ATP13A4: variants seen among roughly 807,000 people sequenced by gnomAD.
ATP13A4 encodes probable cation-transporting ATPase 13A4.
ATP13A4 carries 114 observed loss-of-function variants against 142.5 expected under a neutral mutation model. That is an observed-to-expected ratio of 0.80 (90% CI 0.69 to 0.93). ATP13A4 has a LOEUF of 0.93. Ranked by LOEUF, ATP13A4 falls within the 40% of genes least tolerant of loss-of-function variation. The pLI, the probability that ATP13A4 is intolerant of heterozygous loss-of-function variation, is 0.00. For synonymous variants in ATP13A4, 488 were observed against 514.8 expected (o/e 0.95, Z 0.70); for missense variants, 1,392 against 1,454.0 (o/e 0.96, Z 0.69).
intron 2 of ATP13A4, among the ~76,000 whole-genome samples, chr3:193,569,293 C>A (rs1206911585): frequency 6.6e-6 from 1 of 152,160 alleles, no homozygotes; most frequent in Non-Finnish European, 1.5e-5. Flanking sequence ...AAATACCAGT[C>A]TAGTAGTCCT....
At chr3:193,541,776 T>C (rs1722945070) in intron 1 of ATP13A4, among the ~76,000 whole-genome samples, 1 of 152,162 alleles carries the variant, frequency 6.6e-6, no homozygotes, top group South Asian at 2.1e-4. Flanking sequence ...AGTATTCCAA[T>C]GGCCACACAA....
At chr3:193,491,220 A>G in intron 6 of ATP13A4, 109 bp downstream of exon 6, 1 of 858,482 alleles carries the variant, frequency 1.2e-6, no homozygotes, top group African/African-American at 1.7e-5. Context: ...CTTTCAAAAT[A>G]TACTCTATGT....
intron 2 of ATP13A4, among the ~76,000 whole-genome samples, chr3:193,573,300 T>C (rs1406555390): frequency 1.2e-5 from 1 of 84,448 alleles, no homozygotes; most frequent in African/African-American, 5.3e-5. Flanking sequence ...CACATATATA[T>C]ATATATACAT....
intron 1 of ATP13A4, among the ~76,000 whole-genome samples, chr3:193,582,570 T>A (rs1207059827): frequency 2.2e-5 from 3 of 134,332 alleles, no homozygotes; most frequent in African/African-American, 8.5e-5. Context: ...ATATAATACA[T>A]ATAATATATA....
chr3:193,495,640 ATTGAAAGTT>A (rs1720181370), intron 3 of ATP13A4, among the ~76,000 whole-genome samples: 1 of 152,184 alleles, frequency 6.6e-6, no homozygotes, highest in Non-Finnish European at 1.5e-5. Flanking sequence ...ATTGGAAAAT[ATTGAAAGTT>A]TTTCCTCTAA....
At chr3:193,570,392 T>A (rs1187994748) in intron 2 of ATP13A4, among the ~76,000 whole-genome samples, 2 of 152,248 alleles carry the variant, frequency 1.3e-5, no homozygotes, top group Non-Finnish European at 2.9e-5. Context: ...CTTAACATGA[T>A]TTATAGGTTA....
chr3:193,486,293 T>G (rs2108660650), intron 7 of ATP13A4, among the ~76,000 whole-genome samples: 1 of 152,222 alleles, frequency 6.6e-6, no homozygotes, highest in Non-Finnish European at 1.5e-5. Flanking sequence ...AATGGGAATA[T>G]TTTGAAGCAT....
intron 10 of ATP13A4, 42 bp downstream of exon 10, chr3:193,467,274 A>G: frequency 2.5e-6 from 4 of 1,609,138 alleles, no homozygotes; most frequent in Non-Finnish European, 3.4e-6. Flanking sequence ...AAACTGGGCA[A>G]AAGTATACCA....
At chr3:193,482,794 C>T (rs1168029083) in intron 8 of ATP13A4, among the ~76,000 whole-genome samples, 1 of 152,208 alleles carries the variant, frequency 6.6e-6, no homozygotes, top group Non-Finnish European at 1.5e-5. Context: ...TCATACACTG[C>T]TAGTGTAAAA....
At chr3:193,489,251 T>C (rs1480208806) in intron 7 of ATP13A4, among the ~76,000 whole-genome samples, 4 of 152,220 alleles carry the variant, frequency 2.6e-5, no homozygotes, top group African/African-American at 7.2e-5. Flanking sequence ...ATCTGTTCTA[T>C]GTAATTTTTT....
chr3:193,503,183 C>A (rs1720654805), intron 2 of ATP13A4, among the ~76,000 whole-genome samples: 1 of 152,174 alleles, frequency 6.6e-6, no homozygotes, highest in Non-Finnish European at 1.5e-5. Flanking sequence ...TCATGTGGAG[C>A]ACTGAGACCT....
chr3:193,582,743 TAA>T (rs1401398735), intron 1 of ATP13A4, among the ~76,000 whole-genome samples: 1 of 59,874 alleles, frequency 1.7e-5, no homozygotes, highest in Admixed American at 2.1e-4. Context: ...TATATATGTA[TAA>T]TACATATATA....
chr3:193,570,796 C>T (rs1382678897), intron 2 of ATP13A4, among the ~76,000 whole-genome samples: 1 of 152,170 alleles, frequency 6.6e-6, no homozygotes, highest in Non-Finnish European at 1.5e-5. Context: ...TCTCTACAAG[C>T]TTCAGGCTCA....
chr3:193,448,767 G>T (rs531223427), intron 17 of ATP13A4, among the ~76,000 whole-genome samples: 1 of 152,350 alleles, frequency 6.6e-6, no homozygotes, highest in Middle Eastern at 3.4e-3. Flanking sequence ...AACAGAAGCG[G>T]ACACAAAGGC....
intron 7 of ATP13A4, among the ~76,000 whole-genome samples, chr3:193,488,361 T>C (rs757562466): frequency 6.6e-6 from 1 of 152,172 alleles, no homozygotes; most frequent in African/African-American, 2.4e-5. Context: ...TTAATATAAC[T>C]AAAAGTATAC....
Position 193,417,351 on chromosome 3 carries a change from G to T in ATP13A4, c.2843-2601C>A, listed in dbSNP as rs537512901. On this transcript the variant is annotated intron_variant, in intron 25 of 29. Transcript: ENST00000342695. Reference sequence around the variant, plus strand: ...TAAATGCTGATATTTGTGTATTTTTGGTTTGCAATTTCACTTTATATATCC... The same window carrying T: ...TAAATGCTGATATTTGTGTATTTTTTGTTTGCAATTTCACTTTATATATCC... Among the ~76,000 whole-genome samples the T allele has an allele frequency of 2.0e-5, 3 of 152,222 alleles. No individual in the cohort carries two copies. In the East Asian group the frequency reaches 5.8e-4, roughly 29 times the overall value.
rs115769404 is a variant in ATP13A4, at chr3:193,502,933, A to C, written c.235-294T>G. On this transcript the variant is annotated intron_variant, in intron 2 of 29. Coordinates refer to ENST00000342695, the MANE Select transcript of ATP13A4 (RefSeq NM_032279.4). ...TAGTTCACTGCATCACCTTTCAACC[A>C]CCTTTCAGCCCATGACCTGATGACC... 5.4e-3 allele frequency among the ~76,000 whole-genome samples: 819 copies of C among 151,494 alleles called. 7 individuals are homozygous for C. The highest frequency in any genetic ancestry group is 0.019 in the African/African-American group (787 of 41,192).
chr3:193,414,447 A>G, intron 26 of ATP13A4, 132 bp downstream of exon 26: 1 of 884,956 alleles, frequency 1.1e-6, no homozygotes. Flanking sequence ...ATCACTGAAA[A>G]TTTGCCCAAG....
At chr3:193,444,916 A>T (rs1049937357) in intron 18 of ATP13A4, among the ~76,000 whole-genome samples, 2 of 152,212 alleles carry the variant, frequency 1.3e-5, no homozygotes, top group African/African-American at 4.8e-5. Context: ...CATGCTCCAC[A>T]GCAGGCCCCT....
Sources: gnomAD v4.1 joint callset for allele counts (sites outside exome capture counted in the v4.1 genomes callset) on GRCh38, gnomAD v4.1.1 for gene constraint, MANE v1.5 for transcripts, NCBI Gene and HGNC (gene_info 2026-07-23, HGNC 2026-07-21) for gene names.